The following ADAMTSL1 variants were observed in gnomAD, a reference collection of about 807,000 sequenced individuals.
ADAMTSL1 encodes the protein ADAMTS-like protein 1.
Under a neutral mutation model 201.8 loss-of-function variants are expected in ADAMTSL1, and 126 were observed. The ratio of observed to expected loss-of-function variants is 0.62; its 90% confidence interval spans 0.54 to 0.72. The LOEUF (loss-of-function observed/expected upper bound fraction) is 0.72, where lower values mean the gene tolerates loss of function less well. ADAMTSL1 is among the 30% of genes least tolerant of loss of function. ADAMTSL1 has a pLI of 0.00. For missense variants in ADAMTSL1, 2,679 were observed against 2,277.8 expected (o/e 1.18, Z -3.59); for synonymous variants, 1,121 against 903.4 (o/e 1.24, Z -4.32).
chr9:18,083,941 T>C (rs1271139133), intron 1 of ADAMTSL1, among the ~76,000 whole-genome samples: 1 of 152,192 alleles, frequency 6.6e-6, no homozygotes, highest in Non-Finnish European at 1.5e-5. Context: ...TTGCATTCTC[T>C]GTACTCTGGA....
chr9:18,087,263 G>A lies in ADAMTSL1; in HGVS notation c.88-76599G>A, dbSNP rs1038414573. 3.9e-5 allele frequency among the ~76,000 whole-genome samples: 6 copies of A among 152,046 alleles called. No individual in the cohort carries two copies. The South Asian group carries it at 6.2e-4, about 16-fold the overall frequency. On this transcript the variant is annotated intron_variant, in intron 1 of 29. Transcript: ENST00000680146. ...ATGTTTACTTGCATCTCAAAGAGCC[G>A]TCTTCTGGAAAATTTAAGCAAAATA...
intron 1 of ADAMTSL1, among the ~76,000 whole-genome samples, chr9:17,978,739 A>T (rs1453243407): frequency 6.6e-6 from 1 of 152,200 alleles, no homozygotes; most frequent in Non-Finnish European, 1.5e-5. Flanking sequence ...GAGTATTATG[A>T]ATTTTTCTAA....
intron 1 of ADAMTSL1, among the ~76,000 whole-genome samples, chr9:17,977,004 CTA>C (rs1818479330): frequency 6.6e-6 from 1 of 151,960 alleles, no homozygotes; most frequent in African/African-American, 2.4e-5. Context: ...CACATTCTTT[CTA>C]TACCTAATTT....
chr9:18,600,693 A>G (rs932201527), intron 4 of ADAMTSL1, among the ~76,000 whole-genome samples: 1 of 147,120 alleles, frequency 6.8e-6, no homozygotes, highest in East Asian at 2.1e-4. Context: ...TCTCCTGAGT[A>G]AAAGGAACTC....
intron 26 of ADAMTSL1, among the ~76,000 whole-genome samples, chr9:18,897,090 T>C (rs1440127585): frequency 1.3e-5 from 2 of 152,098 alleles, no homozygotes; most frequent in Non-Finnish European, 1.5e-5. Flanking sequence ...TGAGGAGAAG[T>C]CCCTCACAAC....
At chr9:18,870,454 G>T (rs1827818546) in intron 23 of ADAMTSL1, among the ~76,000 whole-genome samples, 1 of 152,148 alleles carries the variant, frequency 6.6e-6, no homozygotes, top group East Asian at 1.9e-4. Context: ...TGTTCTTTTA[G>T]CTTCTACCTG....
intron 8 of ADAMTSL1, among the ~76,000 whole-genome samples, chr9:18,659,401 T>A (rs1306277315): frequency 6.6e-6 from 1 of 152,256 alleles, no homozygotes. Context: ...GATAAAAAAC[T>A]ATCAATTCAA....
chr9:18,898,677 C>T (rs1829813767), intron 26 of ADAMTSL1, among the ~76,000 whole-genome samples: 1 of 152,132 alleles, frequency 6.6e-6, no homozygotes, highest in Non-Finnish European at 1.5e-5. Flanking sequence ...TGTCATTCCT[C>T]ACATAAGAAG....
intron 1 of ADAMTSL1, among the ~76,000 whole-genome samples, chr9:18,120,490 G>A (rs1825451832): frequency 6.6e-6 from 1 of 152,182 alleles, no homozygotes; most frequent in South Asian, 2.1e-4. Context: ...ACAGCCACAT[G>A]GAACTTTCTA....
intron 1 of ADAMTSL1, among the ~76,000 whole-genome samples, chr9:17,978,594 A>T (rs1301838048): frequency 3.9e-5 from 6 of 152,052 alleles, no homozygotes. Context: ...TCCACATTTT[A>T]TGTTTTTACT....
At chr9:18,238,608 A>C (rs1368016945) in intron 2 of ADAMTSL1, among the ~76,000 whole-genome samples, 2 of 152,220 alleles carry the variant, frequency 1.3e-5, no homozygotes, top group Non-Finnish European at 2.9e-5. Context: ...ATAGGCACCA[A>C]AAAAATGAGT....
intron 3 of ADAMTSL1, among the ~76,000 whole-genome samples, chr9:18,554,978 T>C (rs1445803841): frequency 1.3e-5 from 2 of 151,896 alleles, no homozygotes; most frequent in Non-Finnish European, 2.9e-5. Context: ...TGTAGTATCA[T>C]ACAGGATAGT....
chr9:18,603,533 A>G (rs567071931), intron 4 of ADAMTSL1, among the ~76,000 whole-genome samples: 1 of 152,198 alleles, frequency 6.6e-6, no homozygotes, highest in Non-Finnish European at 1.5e-5. Context: ...GAAAGAGGCC[A>G]TAGGACCAGC....
chr9:18,630,913 T>A (rs186251368), intron 5 of ADAMTSL1, among the ~76,000 whole-genome samples: 33 of 152,278 alleles, frequency 2.2e-4, no homozygotes, highest in African/African-American at 7.9e-4. Context: ...GCCATTTGGT[T>A]CCTAGAGGTT....
intron 1 of ADAMTSL1, among the ~76,000 whole-genome samples, chr9:17,966,296 C>T (rs1298309488): frequency 6.6e-6 from 1 of 152,114 alleles, no homozygotes; most frequent in Non-Finnish European, 1.5e-5. Context: ...TTTACTTGCT[C>T]ATTTACTTTT....
At chr9:18,666,566 G>A (rs1404504709) in intron 9 of ADAMTSL1, among the ~76,000 whole-genome samples, 1 of 152,086 alleles carries the variant, frequency 6.6e-6, no homozygotes, top group African/African-American at 2.4e-5. Flanking sequence ...ATGTGACTAA[G>A]ACATTTAGGA....
intron 2 of ADAMTSL1, among the ~76,000 whole-genome samples, chr9:18,292,234 A>T (rs186211553): frequency 1.1e-3 from 166 of 152,240 alleles, no homozygotes; most frequent in Non-Finnish European, 2.0e-3. Flanking sequence ...TTAATTTAGA[A>T]GTTCATACAA....
intron 2 of ADAMTSL1, among the ~76,000 whole-genome samples, chr9:18,224,200 A>C (rs964615459): frequency 4.6e-5 from 7 of 152,216 alleles, no homozygotes; most frequent in Middle Eastern, 6.8e-3. Flanking sequence ...TTTATAAAGA[A>C]CAGAAATTTA....
At chr9:18,101,921 G>C (rs948208581) in intron 1 of ADAMTSL1, among the ~76,000 whole-genome samples, 1 of 152,174 alleles carries the variant, frequency 6.6e-6, no homozygotes, top group African/African-American at 2.4e-5. Context: ...TCTGTGTATA[G>C]GTGTAAGTAG....
Sources: allele counts gnomAD v4.1 joint callset (sites outside exome capture counted in the v4.1 genomes callset), GRCh38; gene constraint gnomAD v4.1.1; transcripts MANE v1.5; gene names NCBI Gene and HGNC (gene_info 2026-07-23, HGNC 2026-07-21).